The following MCU variants were observed in gnomAD, a reference collection of about 807,000 sequenced individuals.
The protein encoded by MCU is mitochondrial calcium uniporter.
A neutral mutation model predicts 45.2 loss-of-function variants in MCU; 12 were observed. That is an observed-to-expected ratio of 0.27 (90% CI 0.17 to 0.43). MCU has a LOEUF of 0.43. Ranked by LOEUF, MCU falls within the 20% of genes least tolerant of loss-of-function variation. The pLI is 1.00. For missense variants in MCU, 324 were observed against 436.7 expected (o/e 0.74, Z 2.30); for synonymous variants, 160 against 165.1 (o/e 0.97, Z 0.24).
At chr10:72,817,366 T>C (rs934485603) in intron 1 of MCU, among the ~76,000 whole-genome samples, 10 of 152,200 alleles carry the variant, frequency 6.6e-5, no homozygotes, top group African/African-American at 2.4e-4. Flanking sequence ...TTTCTTTTAT[T>C]GACCTTACCT....
intron 4 of MCU, 114 bp from the exon 5 acceptor site, chr10:72,868,589 G>T: frequency 4.5e-6 from 4 of 881,266 alleles, no homozygotes; most frequent in Non-Finnish European, 6.9e-6. Context: ...CTTTCCTTCA[G>T]TTTAACACTG....
At position 72,886,834 on chromosome 10, in the gene MCU, ACT is replaced by A. The variant is rs1166856157; in HGVS notation, c.*1013_*1014del. On this transcript the variant is annotated 3_prime_UTR_variant, in exon 8 of 8. Transcript: ENST00000373053. ...CATCTCGAAGGACACACACTTCCAC[ACT>A]GTTTGTGAGCCCTCCCACCTCCACA... 6.6e-6 allele frequency: 1 copy of A among 152,212 alleles called. No homozygotes were observed. The highest frequency in any genetic ancestry group is 1.5e-5 in the Non-Finnish European group (1 of 68,014). The allele number at this position is 152,212 out of a possible 1,614,324, so 9.4% of individuals were successfully genotyped here. A position where few individuals can be genotyped will look rare whatever the true frequency, so the allele number is the denominator to read the frequency against.
chr10:72,721,842 T>A (rs1843026277), intron 1 of MCU, among the ~76,000 whole-genome samples: 1 of 152,226 alleles, frequency 6.6e-6, no homozygotes, highest in Non-Finnish European at 1.5e-5. Flanking sequence ...TTATATTTGC[T>A]GTTGAGACTT....
chr10:72,805,294 G>C (rs1226149861), intron 1 of MCU, among the ~76,000 whole-genome samples: 1 of 148,720 alleles, frequency 6.7e-6, no homozygotes, highest in Non-Finnish European at 1.5e-5. Flanking sequence ...TGTTGCCCAG[G>C]CTGGAGTGTA....
At chr10:72,850,642 ATGCAAT>A (rs1332859789) in intron 2 of MCU, among the ~76,000 whole-genome samples, 9 of 152,178 alleles carry the variant, frequency 5.9e-5, no homozygotes, top group African/African-American at 2.2e-4. Flanking sequence ...CCTTCTTCAA[ATGCAAT>A]TGTTTGTAGT....
chr10:72,726,058 A>G (rs1045599191), intron 1 of MCU, among the ~76,000 whole-genome samples: 3 of 151,558 alleles, frequency 2.0e-5, no homozygotes, highest in Admixed American at 6.6e-5. Flanking sequence ...TGATTATCCT[A>G]TCTGTTTTTA....
At chr10:72,795,187 T>C (rs1397743817) in intron 1 of MCU, among the ~76,000 whole-genome samples, 2 of 152,128 alleles carry the variant, frequency 1.3e-5, no homozygotes, top group Non-Finnish European at 2.9e-5. Flanking sequence ...CACATTACCA[T>C]AGGTGACTAT....
At chr10:72,803,814 TA>T (rs1450614743) in intron 1 of MCU, among the ~76,000 whole-genome samples, 1 of 151,404 alleles carries the variant, frequency 6.6e-6, no homozygotes, top group African/African-American at 2.4e-5. Context: ...CTCTGACATG[TA>T]AGGGTAGCCA....
At position 72,793,964 on chromosome 10, in the gene MCU, A is replaced by G. The variant is rs555622099; in HGVS notation, c.151-40395A>G. On this transcript the variant is annotated intron_variant, in intron 1 of 7. Transcript: ENST00000373053. Reference sequence around the variant, plus strand: ...GTATTGTGATGGCCATCTTTAGAAAACATTCACATCCCTCACATATGCAAA... The same window carrying G: ...GTATTGTGATGGCCATCTTTAGAAAGCATTCACATCCCTCACATATGCAAA... Among the ~76,000 whole-genome samples the G allele has an allele frequency of 1.3e-3, 192 of 152,294 alleles. 1 individual carries two copies. Among genetic ancestry groups the G allele is most frequent in the African/African-American group, 4.5e-3 (189 of 41,554 alleles).
intron 1 of MCU, among the ~76,000 whole-genome samples, chr10:72,752,019 T>G (rs962729388): frequency 6.6e-6 from 1 of 151,814 alleles, no homozygotes; most frequent in African/African-American, 2.4e-5. Context: ...TTTTGTATTT[T>G]TAATAGAGAC....
chr10:72,791,840 CA>C (rs35024051), intron 1 of MCU, among the ~76,000 whole-genome samples: 82,180 of 142,112 alleles, frequency 0.58, 23,909 homozygotes, highest in Non-Finnish European at 0.67. Flanking sequence ...TTCTAAATGC[CA>C]AAAAAAAAAA....
chr10:72,719,063 G>T (rs200789751), intron 1 of MCU, among the ~76,000 whole-genome samples: 1 of 152,244 alleles, frequency 6.6e-6, no homozygotes, highest in East Asian at 1.9e-4. Flanking sequence ...GGTTACATGG[G>T]TGGGTTCATT....
At chr10:72,832,825 C>G (rs1844897853) in intron 1 of MCU, among the ~76,000 whole-genome samples, 1 of 151,932 alleles carries the variant, frequency 6.6e-6, no homozygotes, top group Non-Finnish European at 1.5e-5. Flanking sequence ...AATAACTTGC[C>G]CAAGAGTTGC....
chr10:72,865,788 T>G (rs1480544742), intron 4 of MCU, among the ~76,000 whole-genome samples: 2 of 150,384 alleles, frequency 1.3e-5, no homozygotes, highest in Non-Finnish European at 3.0e-5. Flanking sequence ...TTTTTTTTTG[T>G]TTTTTTGAGA....
At chr10:72,787,206 C>G (rs1844085374) in intron 1 of MCU, among the ~76,000 whole-genome samples, 1 of 152,244 alleles carries the variant, frequency 6.6e-6, no homozygotes. Flanking sequence ...CCACTCCCGC[C>G]CACGGTAATT....
intron 1 of MCU, among the ~76,000 whole-genome samples, chr10:72,804,611 ATTTG>A (rs1288741031): frequency 6.6e-6 from 1 of 152,316 alleles, no homozygotes; most frequent in East Asian, 1.9e-4. Context: ...GTTGATTGAA[ATTTG>A]TTTTTTTGTT....
intron 1 of MCU, among the ~76,000 whole-genome samples, chr10:72,699,790 C>G (rs954851744): frequency 4.6e-5 from 7 of 151,594 alleles, no homozygotes; most frequent in African/African-American, 1.7e-4. Flanking sequence ...TGGGGTTTTG[C>G]CATGTTGGTT....
intron 2 of MCU, among the ~76,000 whole-genome samples, chr10:72,835,890 A>G (rs1352290595): frequency 1.3e-5 from 2 of 152,178 alleles, no homozygotes; most frequent in East Asian, 3.8e-4. Context: ...AGATAACAGT[A>G]CTTTCTACGT....
rs189418496 is a variant in MCU at position 72,818,125 on chromosome 10, T to C, written c.151-16234T>C. Among the ~76,000 whole-genome samples, 620 of 152,312 alleles carry C rather than the reference T, an allele frequency of 4.1e-3. 4 individuals carry two copies. The highest frequency in any genetic ancestry group is 0.014 in the African/African-American group (585 of 41,560). On this transcript the variant is annotated intron_variant, in intron 1 of 7. Coordinates refer to ENST00000373053, the MANE Select transcript of MCU (RefSeq NM_138357.3). ...AAACTTAAAAGGCTTAAACAGTTGA[T>C]AATTAAGCAACTCTTCTGGCTATAT...
Sources: gnomAD v4.1 joint callset for allele counts (sites outside exome capture counted in the v4.1 genomes callset) on GRCh38, gnomAD v4.1.1 for gene constraint, MANE v1.5 for transcripts, NCBI Gene and HGNC (gene_info 2026-07-23, HGNC 2026-07-21) for gene names.